SPRED2: variants seen among roughly 807,000 people sequenced by gnomAD.
SPRED2 encodes the protein sprouty related EVH1 domain containing 2.
Under a neutral mutation model 43.0 loss-of-function variants are expected in SPRED2, and 47 were observed. The observed-to-expected ratio is 1.09, with a 90% CI of 0.87 to 1.40. The LOEUF (loss-of-function observed/expected upper bound fraction) is 1.40, where lower values mean the gene tolerates loss of function less well. Ranked by LOEUF, SPRED2 falls within the 40% of genes most tolerant of loss-of-function variation. The probability of loss-of-function intolerance (pLI) is 0.00; values close to 1 mark genes in which losing one functional copy is unlikely to be tolerated. For missense variants in SPRED2, 561 were observed against 586.4 expected (o/e 0.96, Z 0.45); for synonymous variants, 225 against 225.7 (o/e 1.00, Z 0.03).
chr2:65,344,800 G>C lies in SPRED2; in HGVS notation c.123C>G (p.Val41=). The C allele has an allele frequency of 6.2e-7, 1 of 1,614,128 alleles. No individual in the cohort carries two copies. The highest frequency in any genetic ancestry group is 8.5e-7 in the Non-Finnish European group (1 of 1,180,012). ...CGGGGTGCATGACCTTACAGACCCC[G>C]ACGCGACTGATCCCGCCTCCTTCCT... ...FPQEGGGISR[V]GVCKVMHPEG... Residue 41 remains valine (V), a synonymous_variant, in exon 2 of 6, where the codon GTC becomes GTG. Coordinates refer to ENST00000356388, the MANE Select transcript of SPRED2 (RefSeq NM_181784.3).
intron 1 of SPRED2, among the ~76,000 whole-genome samples, chr2:65,355,928 C>T (rs1386097333): frequency 6.6e-6 from 1 of 152,118 alleles, no homozygotes; most frequent in African/African-American, 2.4e-5. Flanking sequence ...CATTTAAACC[C>T]CAAAGGCCAG....
chr2:65,313,866 G>C lies in SPRED2; in HGVS notation c.892C>G (p.Arg298Gly). The C allele has an allele frequency of 6.2e-7, 1 of 1,610,716 alleles. No individual in the cohort carries two copies. The highest frequency in any genetic ancestry group is 1.3e-5 in the African/African-American group (1 of 75,036). The change falls in exon 6 of 6, where the codon CGG becomes GGG. Residue 298 changes from arginine (R) to glycine (G), a missense_variant. Coordinates refer to ENST00000356388, the MANE Select transcript of SPRED2 (RefSeq NM_181784.3). ...IKTQPSRGKS[R>G]RRKEDGERSR... ...CGCTCTCCGTCCTCCTTCCGCCGCC[G>C]CGACTTGCCCCGGGAGGGCTGCGTC...
chr2:65,423,145 C>T (rs1183294783), intron 1 of SPRED2, among the ~76,000 whole-genome samples: 1 of 152,204 alleles, frequency 6.6e-6, no homozygotes, highest in South Asian at 2.1e-4. Context: ...AAATGCCAAA[C>T]ATGGCATTCA....
intron 2 of SPRED2, among the ~76,000 whole-genome samples, chr2:65,338,241 TCTCCCGTCTCCCTCTCCC>T (rs1674035118): frequency 1.3e-5 from 1 of 75,488 alleles, no homozygotes; most frequent in African/African-American, 7.3e-5. Flanking sequence ...CCCGTCTCCC[TCTCCCGTCTCCCTCTCCC>T]TCTCCCGTCT....
chr2:65,311,025 G>A lies in SPRED2; in HGVS notation c.*2476C>T, dbSNP rs1673054367. 1 of 984,790 alleles carries A rather than the reference G, an allele frequency of 1.0e-6. No individual in the cohort carries two copies. The highest frequency in any genetic ancestry group is 4.7e-5 in the South Asian group (1 of 21,266). 61.0% of individuals were successfully genotyped at this position (984,790 alleles called of 1,614,324 possible). On this transcript the variant is annotated 3_prime_UTR_variant, in exon 6 of 6. Transcript: ENST00000356388. ...ATTATAAAAAAATCAATACAACAGG[G>A]TTTTTAGTATACAGGTAAAGAATGA...
At chr2:65,308,205 G>A (rs892341355), downstream of SPRED2, 58 of 695,108 alleles carry the variant, frequency 8.3e-5, no homozygotes, top group Non-Finnish European at 1.0e-4. Flanking sequence ...GAGAAGCGGG[G>A]TGGGAGGTTC....
intron 4 of SPRED2, among the ~76,000 whole-genome samples, chr2:65,331,512 T>C (rs1446629643): frequency 1.3e-5 from 2 of 152,196 alleles, no homozygotes; most frequent in Non-Finnish European, 2.9e-5. Flanking sequence ...GCCTTTCTTA[T>C]CAGATGTTTA....
chr2:65,308,581 TA>T (rs1410205650), downstream of SPRED2: 10 of 985,368 alleles, frequency 1.0e-5, no homozygotes, highest in East Asian at 7.9e-4. Flanking sequence ...GGCCTCAGAA[TA>T]AAAAAGGGAC....
At position 65,311,195 on chromosome 2, in the gene SPRED2, C is replaced by T. The variant is rs376386418; in HGVS notation, c.*2306G>A. Reference sequence around the variant, plus strand: ...TGAATAATTTCTCTCAAATGATTGACGTCAGTATGGCAAAGCTGACTGGGA... The same window carrying T: ...TGAATAATTTCTCTCAAATGATTGATGTCAGTATGGCAAAGCTGACTGGGA... On this transcript the variant is annotated 3_prime_UTR_variant, in exon 6 of 6. Transcript: ENST00000356388. The T allele has an allele frequency of 2.8e-5, 28 of 985,626 alleles. 1 individual carries two copies. In the East Asian group the frequency reaches 1.1e-3, roughly 40 times the overall value. 61.1% of individuals were successfully genotyped at this position (985,626 alleles called of 1,614,324 possible).
chr2:65,313,816 G>T lies in SPRED2; in HGVS notation c.942C>A (p.Asp314Glu). The T allele has an allele frequency of 6.2e-7, 1 of 1,613,694 alleles. No individual in the cohort carries two copies. Among genetic ancestry groups the T allele is most frequent in the Non-Finnish European group, 8.5e-7 (1 of 1,180,034 alleles). ...GERSRCVYCRDMFNHEENRRG... is the reference protein window; with the variant it reads ...GERSRCVYCREMFNHEENRRG... ...GGCGGTTCTCCTCGTGGTTGAACAT[G>T]TCCCTGCAGTACACGCACCGCGAGC... Residue 314 changes from aspartate (D) to glutamate (E), a missense_variant, in exon 6 of 6, where the codon GAC becomes GAA. Coordinates refer to ENST00000356388, the MANE Select transcript of SPRED2 (RefSeq NM_181784.3).
chr2:65,355,546 G>A (rs1228449434), intron 1 of SPRED2, among the ~76,000 whole-genome samples: 2 of 152,070 alleles, frequency 1.3e-5, no homozygotes, highest in Non-Finnish European at 2.9e-5. Context: ...GAGAAAGCTC[G>A]TCTCCATCAA....
chr2:65,322,085 T>G (rs1480440750), intron 4 of SPRED2, among the ~76,000 whole-genome samples: 1 of 151,958 alleles, frequency 6.6e-6, no homozygotes, highest in Non-Finnish European at 1.5e-5. Flanking sequence ...TAAAAATTTC[T>G]ATTTTAAACT....
At chr2:65,354,134 C>T (rs1039462569) in intron 1 of SPRED2, among the ~76,000 whole-genome samples, 13 of 152,260 alleles carry the variant, frequency 8.5e-5, no homozygotes, top group Non-Finnish European at 1.8e-4. Context: ...GGGAAAATAC[C>T]GGCAGGCAAT....
At chr2:65,347,653 T>TA (rs1223864071) in intron 1 of SPRED2, among the ~76,000 whole-genome samples, 2 of 152,134 alleles carry the variant, frequency 1.3e-5, no homozygotes, top group Non-Finnish European at 2.9e-5. Flanking sequence ...TTCCTCCACT[T>TA]AAAAACCTTC....
chr2:65,342,219 T>C (rs1198032797), intron 2 of SPRED2, among the ~76,000 whole-genome samples: 2 of 147,198 alleles, frequency 1.4e-5, no homozygotes, highest in Non-Finnish European at 3.0e-5. Flanking sequence ...ATATTTTGTA[T>C]ACGTATATTA....
At chr2:65,429,928 T>C (rs1245280239) in intron 1 of SPRED2, among the ~76,000 whole-genome samples, 1 of 152,160 alleles carries the variant, frequency 6.6e-6, no homozygotes, top group Admixed American at 6.5e-5. Context: ...CCACTCGAAA[T>C]CCTTCTGCTT....
At chr2:65,355,555 A>G (rs1674624582) in intron 1 of SPRED2, among the ~76,000 whole-genome samples, 1 of 152,182 alleles carries the variant, frequency 6.6e-6, no homozygotes, top group South Asian at 2.1e-4. Flanking sequence ...CGTCTCCATC[A>G]AAAATACAAA....
chr2:65,406,944 T>G (rs1273368388), intron 1 of SPRED2, among the ~76,000 whole-genome samples: 1 of 151,864 alleles, frequency 6.6e-6, no homozygotes, highest in Non-Finnish European at 1.5e-5. Flanking sequence ...TTTTTTTTTT[T>G]TTGAGACGGA....
intron 1 of SPRED2, among the ~76,000 whole-genome samples, chr2:65,402,278 CAAAAAAAAAAAAAA>C (rs58209803): frequency 1.6e-5 from 1 of 64,404 alleles, no homozygotes; most frequent in Non-Finnish European, 2.6e-5. Context: ...GACTCTGTCT[CAAAAAAAAAAAAAA>C]AAAAAAAAAA....
Sources: gnomAD v4.1 joint callset for allele counts (sites outside exome capture counted in the v4.1 genomes callset) on GRCh38, gnomAD v4.1.1 for gene constraint, MANE v1.5 for transcripts, NCBI Gene and HGNC (gene_info 2026-07-23, HGNC 2026-07-21) for gene names.